Variants in LMNB1 observed in about 807,000 individuals in gnomAD.
LMNB1 encodes the protein lamin B1, also known as lamin-B1.
A neutral mutation model predicts 67.1 loss-of-function variants in LMNB1; 23 were observed. That is an observed-to-expected ratio of 0.34 (90% CI 0.25 to 0.49). The LOEUF is 0.49. Ranked by LOEUF, LMNB1 falls within the 20% of genes least tolerant of loss-of-function variation. The pLI is 0.99. For missense variants in LMNB1, 634 were observed against 746.5 expected, an observed-to-expected ratio of 0.85 and a Z score of 1.76; for synonymous variants, 281 against 282.9, an observed-to-expected ratio of 0.99 and a Z score of 0.07.
chr5:126,805,209 A>G (rs915038485), intron 2 of LMNB1, among the ~76,000 whole-genome samples: 3 of 152,130 alleles, frequency 2.0e-5, no homozygotes, highest in African/African-American at 7.2e-5. Context: ...CTCAAAGCCT[A>G]TTTTGTTAGT....
chr5:126,806,522 A>G (rs1751433533), intron 3 of LMNB1, among the ~76,000 whole-genome samples: 1 of 152,194 alleles, frequency 6.6e-6, no homozygotes, highest in South Asian at 2.1e-4. Flanking sequence ...GGCTGTGGGC[A>G]GGACGTGTCA....
chr5:126,803,756 G>T (rs1751346609), intron 1 of LMNB1, among the ~76,000 whole-genome samples: 1 of 151,862 alleles, frequency 6.6e-6, no homozygotes, highest in Non-Finnish European at 1.5e-5. Flanking sequence ...TTACCATGTT[G>T]GCAAGGCTGG....
At chr5:126,779,184 A>T (rs1377897004) in intron 1 of LMNB1, among the ~76,000 whole-genome samples, 1 of 152,108 alleles carries the variant, frequency 6.6e-6, no homozygotes, top group Non-Finnish European at 1.5e-5. Flanking sequence ...CCCTCCTATC[A>T]TATGTTTTCG....
intron 1 of LMNB1, among the ~76,000 whole-genome samples, chr5:126,795,744 C>T (rs772305670): frequency 6.6e-6 from 1 of 151,828 alleles, no homozygotes; most frequent in Non-Finnish European, 1.5e-5. Context: ...CCTGCCTCAG[C>T]CTCCCGAGTA....
At chr5:126,778,727 C>T (rs542832310) in intron 1 of LMNB1, among the ~76,000 whole-genome samples, 56 of 150,406 alleles carry the variant, frequency 3.7e-4, no homozygotes, top group African/African-American at 1.2e-3. Context: ...CAGCTTTTGC[C>T]TCCTCGTAGT....
intron 10 of LMNB1, among the ~76,000 whole-genome samples, chr5:126,834,969 A>AGT (rs1752218257): frequency 6.6e-6 from 1 of 152,240 alleles, no homozygotes; most frequent in Non-Finnish European, 1.5e-5. Context: ...GATTGGAATT[A>AGT]AACTGACATA....
In LMNB1 at chr5:126,799,717, T is replaced by C. The variant is rs73333464; in HGVS notation, c.360-5059T>C. Among the ~76,000 whole-genome samples, 1,064 of 152,328 alleles carry C rather than the reference T, an allele frequency of 7.0e-3. 11 individuals are homozygous for C. The highest frequency in any genetic ancestry group is 0.024 in the African/African-American group (1,015 of 41,570). Reference sequence around the variant, plus strand: ...TAATGTCTGCTGGATTAGGTAAATATGTCTCAAAACTAGGGACCTGGACTG... The same window carrying C: ...TAATGTCTGCTGGATTAGGTAAATACGTCTCAAAACTAGGGACCTGGACTG... On this transcript the variant is annotated intron_variant, in intron 1 of 10. Transcript: ENST00000261366.
Position 126,793,116 on chromosome 5 carries a change from TAACACCCAGCA to T in LMNB1, c.360-11656_360-11646del, listed in dbSNP as rs1751007139. Among the ~76,000 whole-genome samples the T allele has an allele frequency of 2.6e-5, 4 of 152,304 alleles. No homozygotes were observed. The South Asian group carries it at 8.3e-4, about 32-fold the overall frequency. ...TATTGCTTTAGGAATAGCTGCCTCA[TAACACCCAGCA>T]AACTGGAGAATGGACATTGGAACAC... On this transcript the variant is annotated intron_variant, in intron 1 of 10. Coordinates refer to ENST00000261366, the MANE Select transcript of LMNB1 (RefSeq NM_005573.4).
Position 126,804,872 on chromosome 5 carries a change from A to C in LMNB1, c.456A>C (p.Ala152=). Residue 152 remains alanine (A), a synonymous_variant, in exon 2 of 11, where the codon GCA becomes GCC. Coordinates refer to ENST00000261366, the MANE Select transcript of LMNB1 (RefSeq NM_005573.4). ...LNSKDAALAT[A]LGDKKSLEGD... ...CGAAAGATGCAGCTCTTGCTACTGC[A>C]CTTGGTGACAAAAAAAGTTTAGAGG... 6.2e-7 allele frequency: 1 copy of C among 1,614,176 alleles called. No individual in the cohort carries two copies. Among genetic ancestry groups the C allele is most frequent in the Non-Finnish European group, 8.5e-7 (1 of 1,180,014 alleles).
Position 126,786,112 on chromosome 5 carries a change from C to CTTTTTTTT in LMNB1, c.359+8258_359+8265dup, listed in dbSNP as rs70997312. 2.4e-4 allele frequency among the ~76,000 whole-genome samples: 26 copies of CTTTTTTTT among 106,666 alleles called. 1 individual carries two copies. Among genetic ancestry groups the CTTTTTTTT allele is most frequent in the Non-Finnish European group, 3.5e-4 (19 of 55,038 alleles). The allele number at this position is 106,666 out of a possible 152,430, so 70.0% of individuals were successfully genotyped here. On this transcript the variant is annotated intron_variant, in intron 1 of 10. Coordinates refer to ENST00000261366, the MANE Select transcript of LMNB1 (RefSeq NM_005573.4). ...ACAGTAGATGCTTTACAGACATTAT[C>CTTTTTTTT]TTTTTTTTTTTTTTTTTTTTGATGC...
chr5:126,790,308 G>A (rs1750918779), intron 1 of LMNB1, among the ~76,000 whole-genome samples: 1 of 151,878 alleles, frequency 6.6e-6, no homozygotes, highest in African/African-American at 2.4e-5. Context: ...GTTTTGCCAT[G>A]TTGGCCAGGC....
rs139447201 is a variant in LMNB1 at position 126,822,063 on chromosome 5, G to T, written c.1387-718G>T. ...CTGTTGCCCAGGTCGGAGTGCAGTG[G>T]CATGATCTTGGCTCCTCCACCTCTT... On this transcript the variant is annotated intron_variant, in intron 7 of 10. Coordinates refer to ENST00000261366, the MANE Select transcript of LMNB1 (RefSeq NM_005573.4). 7.7e-4 allele frequency among the ~76,000 whole-genome samples: 117 copies of T among 151,032 alleles called. 1 individual carries two copies. The highest frequency in any genetic ancestry group is 1.4e-3 in the Non-Finnish European group (95 of 67,830).
At chr5:126,787,547 T>TAC (rs869071732) in intron 1 of LMNB1, among the ~76,000 whole-genome samples, 1 of 37,502 alleles carries the variant, frequency 2.7e-5, no homozygotes, top group Admixed American at 2.8e-4. Context: ...TATATATATA[T>TAC]TTTTTTTTTT....
intron 1 of LMNB1, among the ~76,000 whole-genome samples, chr5:126,803,631 C>T (rs1237575752): frequency 2.6e-5 from 4 of 152,040 alleles, no homozygotes; most frequent in Admixed American, 2.6e-4. Flanking sequence ...ACTGCAACCT[C>T]CACCTCCTGA....
At chr5:126,778,256 C>T (rs1005682212) in intron 1 of LMNB1, among the ~76,000 whole-genome samples, 1 of 152,044 alleles carries the variant, frequency 6.6e-6, no homozygotes, top group Non-Finnish European at 1.5e-5. Context: ...CGCTCGCGTG[C>T]GCGCCCCAGT....
chr5:126,792,720 G>C (rs1180024940), intron 1 of LMNB1, among the ~76,000 whole-genome samples: 3 of 151,882 alleles, frequency 2.0e-5, no homozygotes, highest in Admixed American at 6.6e-5. Flanking sequence ...GGGATTACAG[G>C]CATGTGCCAC....
chr5:126,778,026 C>T (rs534395188), intron 1 of LMNB1, among the ~76,000 whole-genome samples, 159 bp downstream of exon 1: 58 of 152,288 alleles, frequency 3.8e-4, no homozygotes, highest in African/African-American at 1.3e-3. Flanking sequence ...GAGAAAGAAT[C>T]TAGAGTTCAT....
chr5:126,791,637 A>G (rs1205228471), intron 1 of LMNB1, among the ~76,000 whole-genome samples: 1 of 151,512 alleles, frequency 6.6e-6, no homozygotes, highest in Non-Finnish European at 1.5e-5. Context: ...CACCTAGCTA[A>G]TTTCTTGATT....
chr5:126,791,122 A>G (rs1045968757), intron 1 of LMNB1, among the ~76,000 whole-genome samples: 1 of 152,198 alleles, frequency 6.6e-6, no homozygotes, highest in African/African-American at 2.4e-5. Context: ...ATGATGAGTG[A>G]AAAATTTAAA....
Sources: gnomAD v4.1 joint callset for allele counts (sites outside exome capture counted in the v4.1 genomes callset) on GRCh38, gnomAD v4.1.1 for gene constraint, MANE v1.5 for transcripts, NCBI Gene and HGNC (gene_info 2026-07-23, HGNC 2026-07-21) for gene names.